Variants in ATP8B4 observed in about 807,000 individuals in gnomAD.
ATP8B4 encodes the protein probable phospholipid-transporting ATPase IM.
Under a neutral mutation model 145.6 loss-of-function variants are expected in ATP8B4, and 133 were observed. The observed-to-expected ratio is 0.91, with a 90% confidence interval of 0.79 to 1.05. The LOEUF (loss-of-function observed/expected upper bound fraction) is 1.05. Among genes scored for constraint, ATP8B4 ranks in the 50% least tolerant of loss-of-function variants. The probability of loss-of-function intolerance (pLI) is 0.00; values close to 1 mark genes in which losing one functional copy is unlikely to be tolerated. For synonymous variants in ATP8B4, 507 were observed against 492.9 expected (o/e 1.03, Z -0.38); for missense variants, 1,458 against 1,425.2 (o/e 1.02, Z -0.37).
intron 3 of ATP8B4, among the ~76,000 whole-genome samples, chr15:50,061,206 G>GA (rs1688457210): frequency 6.6e-6 from 1 of 151,620 alleles, no homozygotes; most frequent in Non-Finnish European, 1.5e-5. Flanking sequence ...AAAAATCAGT[G>GA]AAAAATCAGA....
chr15:50,106,204 T>C (rs948929705), intron 2 of ATP8B4, among the ~76,000 whole-genome samples: 1 of 152,160 alleles, frequency 6.6e-6, no homozygotes, highest in Non-Finnish European at 1.5e-5. Context: ...CAGCCTTTAG[T>C]CTCTAAAGAG....
chr15:49,956,718 TTTG>T (rs1234574127), intron 14 of ATP8B4, among the ~76,000 whole-genome samples: 1 of 152,122 alleles, frequency 6.6e-6, no homozygotes, highest in African/African-American at 2.4e-5. Context: ...ATTGGTTTTT[TTTG>T]TTGTTTGTAG....
At chr15:50,142,281 T>A (rs2044222870) in intron 1 of ATP8B4, among the ~76,000 whole-genome samples, 1 of 152,206 alleles carries the variant, frequency 6.6e-6, no homozygotes. Context: ...GTTCATTTTT[T>A]ATGAATAGAC....
At chr15:49,963,817 G>T (rs74657156) in intron 13 of ATP8B4, among the ~76,000 whole-genome samples, 2,924 of 152,160 alleles carry the variant, frequency 0.019, 90 homozygotes, top group African/African-American at 0.067. Context: ...CCTAGGTGAT[G>T]GGATGATCTG....
upstream of ATP8B4, chr15:50,119,278 G>T (rs2057236450): frequency 6.6e-6 from 1 of 152,188 alleles, no homozygotes; most frequent in African/African-American, 2.4e-5. Flanking sequence ...GTCTCTAGGG[G>T]GCATTCTCAA....
intron 14 of ATP8B4, among the ~76,000 whole-genome samples, chr15:49,946,837 G>A (rs1296811759): frequency 6.6e-6 from 1 of 152,166 alleles, no homozygotes; most frequent in Non-Finnish European, 1.5e-5. Context: ...ACAAGGCCTA[G>A]CTCCCAGCAC....
At chr15:50,024,016 A>G (rs1275221265) in intron 6 of ATP8B4, among the ~76,000 whole-genome samples, 1 of 152,100 alleles carries the variant, frequency 6.6e-6, no homozygotes, top group Non-Finnish European at 1.5e-5. Context: ...ATTAGGTTCT[A>G]TTATTTTTAA....
chr15:49,912,127 G>A (rs538912552), intron 20 of ATP8B4, among the ~76,000 whole-genome samples: 50 of 151,852 alleles, frequency 3.3e-4, no homozygotes, highest in African/African-American at 1.2e-3. Context: ...GAAAGAACCC[G>A]AAAAGCAAGA....
chr15:49,996,533 C>T (rs750712058), intron 9 of ATP8B4, 144 bp downstream of exon 9: 25 of 623,132 alleles, frequency 4.0e-5, no homozygotes, highest in East Asian at 8.3e-5. Flanking sequence ...TTTTAGCGTG[C>T]GAAGAAATTA....
In ATP8B4 at chr15:50,177,397, T is replaced by C. The variant is rs542258615; in HGVS notation, c.-43+4864A>G. Among the ~76,000 whole-genome samples the C allele has an allele frequency of 3.9e-5, 6 of 152,332 alleles. No individual in the cohort carries two copies. In the South Asian group the frequency reaches 1.2e-3, roughly 32 times the overall value. Reference sequence around the variant, plus strand: ...TCATTCCAGGAAATTGAATTCTAGTTACGAAGGCAAAACTAACAGGTAAGA... The same window carrying C: ...TCATTCCAGGAAATTGAATTCTAGTCACGAAGGCAAAACTAACAGGTAAGA... On this transcript the variant is annotated intron_variant, in intron 1 of 3. Coordinates refer to the ATP8B4 transcript ENST00000558829.
At chr15:50,098,879 G>A (rs756337336) in intron 2 of ATP8B4, among the ~76,000 whole-genome samples, 34 of 152,170 alleles carry the variant, frequency 2.2e-4, no homozygotes, top group Non-Finnish European at 4.0e-4. Flanking sequence ...CAAAATCAGA[G>A]GAAAAATGAA....
At chr15:50,085,944 T>TCA (rs1270695715) in intron 2 of ATP8B4, among the ~76,000 whole-genome samples, 5 of 96,654 alleles carry the variant, frequency 5.2e-5, no homozygotes, top group African/African-American at 2.6e-4. Flanking sequence ...TATTTATATA[T>TCA]GATATATATC....
At chr15:50,022,778 T>C (rs1156963682) in intron 6 of ATP8B4, among the ~76,000 whole-genome samples, 1 of 152,190 alleles carries the variant, frequency 6.6e-6, no homozygotes, top group East Asian at 1.9e-4. Flanking sequence ...CTGACCACAG[T>C]AAGTCCCTGG....
intron 1 of ATP8B4, among the ~76,000 whole-genome samples, chr15:50,135,009 G>A (rs1297083277): frequency 1.3e-5 from 2 of 152,156 alleles, no homozygotes; most frequent in Non-Finnish European, 2.9e-5. Context: ...AACAAAACCT[G>A]AACATTGTTA....
At chr15:50,096,256 G>T (rs1417974621) in intron 2 of ATP8B4, among the ~76,000 whole-genome samples, 1 of 152,142 alleles carries the variant, frequency 6.6e-6, no homozygotes, top group African/African-American at 2.4e-5. Flanking sequence ...GGAGAGAATA[G>T]CCGCTCTCCC....
intron 3 of ATP8B4, among the ~76,000 whole-genome samples, chr15:50,072,662 C>T (rs911051213): frequency 6.6e-6 from 1 of 151,792 alleles, no homozygotes; most frequent in Non-Finnish European, 1.5e-5. Context: ...CCCTCTGTCA[C>T]CCAGGCTGGA....
At chr15:50,164,499 G>A (rs1208441112) in intron 1 of ATP8B4, among the ~76,000 whole-genome samples, 1 of 152,192 alleles carries the variant, frequency 6.6e-6, no homozygotes, top group Non-Finnish European at 1.5e-5. Context: ...GAGCTGGTAA[G>A]ATGAAGTCTT....
intron 2 of ATP8B4, among the ~76,000 whole-genome samples, chr15:50,102,148 G>T (rs1043580039): frequency 6.6e-6 from 1 of 151,898 alleles, no homozygotes; most frequent in Admixed American, 6.6e-5. Flanking sequence ...GTCTGAAAGA[G>T]CACAAATAGA....
chr15:50,038,771 C>G lies in ATP8B4; in HGVS notation c.359G>C (p.Ser120Thr), dbSNP rs762197166. 2 of 1,611,284 alleles carry G rather than the reference C, an allele frequency of 1.2e-6. No homozygotes were observed. Among genetic ancestry groups the G allele is most frequent in the East Asian group, 4.5e-5 (2 of 44,818 alleles). ...ACCCACAGAATGTATTTCTTACTTG[C>G]TGTTGATGAGCACTTCAGACTGCCG... ...NNRQSEVLINSKLQNEKWMNV... is the reference protein window; with the variant it reads ...NNRQSEVLINTKLQNEKWMNV... Residue 120 changes from serine (S) to threonine (T), a missense_variant, in exon 6 of 28, where the codon AGC becomes ACC. Transcript: ENST00000284509.
Sources: gnomAD v4.1 joint callset for allele counts (sites outside exome capture counted in the v4.1 genomes callset) on GRCh38, gnomAD v4.1.1 for gene constraint, MANE v1.5 for transcripts, NCBI Gene and HGNC (gene_info 2026-07-23, HGNC 2026-07-21) for gene names.